The following SPIRE2 variants were observed in gnomAD, a reference collection of about 807,000 sequenced individuals.
SPIRE2 encodes spire type actin nucleation factor 2.
A neutral mutation model predicts 80.7 loss-of-function variants in SPIRE2; 76 were observed. That is an observed-to-expected ratio of 0.94 (90% CI 0.78 to 1.14). The LOEUF is 1.14. SPIRE2 is among the 50% of genes most tolerant of loss of function. The pLI is 0.00. For missense variants in SPIRE2, 1,196 were observed against 1,015.3 expected, an observed-to-expected ratio of 1.18 and a Z score of -2.42; for synonymous variants, 535 against 432.6, an observed-to-expected ratio of 1.24 and a Z score of -2.94.
chr16:89,841,090 G>A (rs56070721), intron 1 of SPIRE2, among the ~76,000 whole-genome samples: 5 of 151,858 alleles, frequency 3.3e-5, no homozygotes, highest in African/African-American at 4.8e-5. Context: ...AGGCTGAGGC[G>A]GGAGGATCGC....
At chr16:89,869,072 A>ATATATATATATATATATATATATATATG (rs67559135) in intron 13 of SPIRE2, among the ~76,000 whole-genome samples, 17 of 65,920 alleles carry the variant, frequency 2.6e-4, no homozygotes, top group South Asian at 1.3e-3. Context: ...ATATATATAT[A>ATATATATATATATATATATATATATATG]TATGTTACCC....
intron 2 of SPIRE2, 111 bp from the exon 3 acceptor site, chr16:89,850,193 G>C (rs1401541306): frequency 1.1e-6 from 1 of 891,342 alleles, no homozygotes; most frequent in South Asian, 1.4e-5. Flanking sequence ...CTTGTGGACC[G>C]ACAGCTGCTG....
At chr16:89,856,547 T>G (rs559242545) in intron 7 of SPIRE2, among the ~76,000 whole-genome samples, 104 of 151,562 alleles carry the variant, frequency 6.9e-4, no homozygotes, top group African/African-American at 2.4e-3. Flanking sequence ...CGGGTTCAAG[T>G]GATGCTCATG....
rs770541144 is a variant in SPIRE2 at position 89,860,804 on chromosome 16, G to T, written c.1575+9G>T. On this transcript the variant is annotated intron_variant, in intron 10 of 14. Transcript: ENST00000378247. ...CCAAACACCTGTGGCTGGTGAGTGA[G>T]GGTGCGATTGTCGTCCAGGGCGGCC... The T allele has an allele frequency of 3.4e-6, 5 of 1,466,038 alleles. No individual in the cohort carries two copies. The highest frequency in any genetic ancestry group is 1.4e-5 in the South Asian group (1 of 73,316). 90.8% of individuals were successfully genotyped at this position (1,466,038 alleles called of 1,614,324 possible). A position where few individuals can be genotyped will look rare whatever the true frequency, so the allele number is the denominator to read the frequency against.
rs980610685 is a variant in SPIRE2, at chr16:89,870,604, G to A, written c.*332G>A. 13 of 216,520 alleles carry A rather than the reference G, an allele frequency of 6.0e-5. No homozygotes were observed. Among genetic ancestry groups the A allele is most frequent in the African/African-American group, 1.1e-4 (5 of 43,722 alleles). 13.4% of individuals were successfully genotyped at this position (216,520 alleles called of 1,614,324 possible). ...ATCCCATGTTCCCATGCTCTTCTCCGTCCCCAGGAATGCGAACGGCAGTTT... is the reference window on the plus strand; with the variant it reads ...ATCCCATGTTCCCATGCTCTTCTCCATCCCCAGGAATGCGAACGGCAGTTT... On this transcript the variant is annotated 3_prime_UTR_variant, in exon 15 of 15. Transcript: ENST00000378247.
At chr16:89,836,754 C>T (rs1244356345) in intron 1 of SPIRE2, among the ~76,000 whole-genome samples, 1 of 149,842 alleles carries the variant, frequency 6.7e-6, no homozygotes, top group African/African-American at 2.5e-5. Context: ...CCAAGGCAGG[C>T]GGATCACCTG....
rs1490937919 is a variant in SPIRE2 at position 89,860,740 on chromosome 16, C to G, written c.1520C>G (p.Ser507Cys). ...PSHPLLSNRGSSGDRPEASMT... is the reference protein window; with the variant it reads ...PSHPLLSNRGCSGDRPEASMT... ...CACCCCCTACTCAGCAACCGGGGCT[C>G]CTCGGGGGACAGACCCGAGGCCTCC... Residue 507 changes from serine to cysteine, a missense_variant, in exon 10 of 15, where the codon TCC (serine) becomes TGC (cysteine). Coordinates refer to ENST00000378247, the MANE Select transcript of SPIRE2 (RefSeq NM_032451.2). 1.3e-6 allele frequency: 2 copies of G among 1,587,004 alleles called. No homozygotes were observed. The highest frequency in any genetic ancestry group is 2.3e-5 in the East Asian group (1 of 43,412).
chr16:89,832,831 T>C (rs934157025), intron 1 of SPIRE2, among the ~76,000 whole-genome samples: 1 of 152,054 alleles, frequency 6.6e-6, no homozygotes, highest in African/African-American at 2.4e-5. Flanking sequence ...TTGTTGTTGT[T>C]GTTTTTTGGG....
At chr16:89,832,871 G>T (rs906213076) in intron 1 of SPIRE2, among the ~76,000 whole-genome samples, 1 of 152,072 alleles carries the variant, frequency 6.6e-6, no homozygotes, top group African/African-American at 2.4e-5. Context: ...GCCCAGGCTG[G>T]AGTGCAATGG....
chr16:89,863,781 T>G lies in SPIRE2; in HGVS notation c.1711-13T>G. ...TTGGACAAAGCGGGGCTCTAACCAG[T>G]CTCTCCTGACAGATTTGCTGCTGCT... On this transcript the variant is annotated splice_polypyrimidine_tract_variant and intron_variant, in intron 11 of 14. Transcript: ENST00000378247. This position sits in a 1 kb window ranked among gnomAD's most constrained non-coding sequence, Gnocchi z 4.3. 1 of 1,613,822 alleles carries G rather than the reference T, an allele frequency of 6.2e-7. No homozygotes were observed. Among genetic ancestry groups the G allele is most frequent in the Non-Finnish European group, 8.5e-7 (1 of 1,179,854 alleles).
At chr16:89,853,125 G>A (rs2041652596) in intron 3 of SPIRE2, among the ~76,000 whole-genome samples, 1 of 152,150 alleles carries the variant, frequency 6.6e-6, no homozygotes, top group Non-Finnish European at 1.5e-5. Flanking sequence ...TTGTGTCTCT[G>A]ATCAGGCTGT....
chr16:89,845,366 G>T lies in SPIRE2; in HGVS notation c.288+1G>T. 1 of 1,613,740 alleles carries T rather than the reference G, an allele frequency of 6.2e-7. No homozygotes were observed. The highest frequency in any genetic ancestry group is 8.5e-7 in the Non-Finnish European group (1 of 1,179,638). ...GCCACTAGCCAGCTCGGAAGCCCAG[G>T]TACTTTTTAAAAAATTCCAAGTATT... On this transcript the variant is annotated splice_donor_variant, in intron 2 of 14. Coordinates refer to ENST00000378247, the MANE Select transcript of SPIRE2 (RefSeq NM_032451.2). LOFTEE classifies it high-confidence loss of function.
rs531473016 is a variant in SPIRE2 at position 89,850,741 on chromosome 16, C to T, written c.645+81C>T. Reference sequence around the variant, plus strand: ...GTGGGTGGGAGGGGACTGGCAAGGACGTCTCTTCGTGGACAGAAAGTCAGG... The same window carrying T: ...GTGGGTGGGAGGGGACTGGCAAGGATGTCTCTTCGTGGACAGAAAGTCAGG... On this transcript the variant is annotated intron_variant, in intron 3 of 14. Coordinates refer to ENST00000378247, the MANE Select transcript of SPIRE2 (RefSeq NM_032451.2). The T allele has an allele frequency of 3.2e-5, 34 of 1,065,792 alleles. No individual in the cohort carries two copies. The Admixed American group carries it at 5.6e-4, about 18-fold the overall frequency. 66.0% of individuals were successfully genotyped at this position (1,065,792 alleles called of 1,614,324 possible).
intron 10 of SPIRE2, among the ~76,000 whole-genome samples, chr16:89,861,639 AGT>A (rs1293785007): frequency 6.6e-6 from 1 of 152,232 alleles, no homozygotes; most frequent in African/African-American, 2.4e-5. Context: ...GGACTCCGGC[AGT>A]GTCTTAGCTG....
chr16:89,850,192 C>CTGT, intron 2 of SPIRE2, 112 bp from the exon 3 acceptor site: 1 of 881,008 alleles, frequency 1.1e-6, no homozygotes, highest in Non-Finnish European at 1.8e-6. Context: ...TCTTGTGGAC[C>CTGT]GACAGCTGCT....
intron 1 of SPIRE2, among the ~76,000 whole-genome samples, chr16:89,837,610 G>A (rs1436555943): frequency 6.6e-6 from 1 of 152,210 alleles, no homozygotes; most frequent in Non-Finnish European, 1.5e-5. Context: ...CGGGATCCCT[G>A]CAGGAGCGGA....
intron 12 of SPIRE2, among the ~76,000 whole-genome samples, chr16:89,866,285 CAT>C (rs1190009290): frequency 6.6e-6 from 1 of 152,078 alleles, no homozygotes; most frequent in Non-Finnish European, 1.5e-5. Flanking sequence ...TTAATTCTCT[CAT>C]GTTTGAATTT....
chr16:89,850,557 A>G lies in SPIRE2; in HGVS notation c.542A>G (p.Asp181Gly). ...CGGCTGTGCGCGGCGCGGCTGACCG[A>G]CCCCCGGGGCGCACAGGCGCATTAC... ...AMRLCAARLTDPRGAQAHYQA... is the reference protein window; with the variant it reads ...AMRLCAARLTGPRGAQAHYQA... The change falls in exon 3 of 15, where the codon GAC becomes GGC. Residue 181 changes from aspartate to glycine, a missense_variant. Physicochemically the swap from Asp to Gly is moderately conservative, Grantham distance 94 (BLOSUM62 -1). Coordinates refer to ENST00000378247, the MANE Select transcript of SPIRE2 (RefSeq NM_032451.2). The G allele has an allele frequency of 6.6e-7, 1 of 1,510,992 alleles. No individual in the cohort carries two copies. The highest frequency in any genetic ancestry group is 2.5e-5 in the East Asian group (1 of 40,510). 93.6% of individuals were successfully genotyped at this position (1,510,992 alleles called of 1,614,324 possible). A position where few individuals can be genotyped will look rare whatever the true frequency, so the allele number is the denominator to read the frequency against.
intron 2 of SPIRE2, among the ~76,000 whole-genome samples, chr16:89,847,532 G>A (rs920619369): frequency 1.3e-5 from 2 of 152,208 alleles, no homozygotes; most frequent in Admixed American, 1.3e-4. Context: ...ATGCAGGGAC[G>A]CAGCCTGGAC....
Sources: allele counts gnomAD v4.1 joint callset (sites outside exome capture counted in the v4.1 genomes callset), GRCh38; gene constraint gnomAD v4.1.1; non-coding constraint Gnocchi (gnomAD v3.1); transcripts MANE v1.5; gene names NCBI Gene and HGNC (gene_info 2026-07-23, HGNC 2026-07-21).